The following PABPC4 variants were observed in gnomAD, a reference collection of about 807,000 sequenced individuals.
PABPC4 encodes polyadenylate-binding protein 4.
PABPC4 carries 15 observed loss-of-function variants against 74.5 expected under a neutral mutation model. That is an observed-to-expected ratio of 0.20 (90% CI 0.13 to 0.31). The LOEUF (loss-of-function observed/expected upper bound fraction) is 0.31. Among genes scored for constraint, PABPC4 ranks in the 10% least tolerant of loss-of-function variants. The probability of loss-of-function intolerance (pLI) is 1.00; values close to 1 mark genes in which losing one functional copy is unlikely to be tolerated. For synonymous variants in PABPC4, 345 were observed against 303.0 expected, an observed-to-expected ratio of 1.14 and a Z score of -1.44; for missense variants, 610 against 853.5, an observed-to-expected ratio of 0.71 and a Z score of 3.55.
intron 14 of PABPC4, 51 bp downstream of exon 14, chr1:39,562,022 C>G: frequency 6.3e-7 from 1 of 1,592,504 alleles, no homozygotes; most frequent in South Asian, 1.1e-5. Flanking sequence ...AGTTTGCCCC[C>G]AGTCTTCCCA....
chr1:39,574,222 C>G (rs1645983159), intron 1 of PABPC4, among the ~76,000 whole-genome samples: 1 of 152,172 alleles, frequency 6.6e-6, no homozygotes, highest in African/African-American at 2.4e-5. Context: ...AAGACCGATC[C>G]AAGTCAGGAA....
chr1:39,569,510 A>G (rs9438926), intron 5 of PABPC4, 85 bp downstream of exon 5: 18,345 of 905,004 alleles, frequency 0.02, 1,281 homozygotes, highest in African/African-American at 0.2. Flanking sequence ...AGACCGTCCC[A>G]GCTCTAGGTA....
rs766638635 is a variant in PABPC4, at chr1:39,575,811, G to A, written c.141C>T (p.Ile47=). Residue 47 remains isoleucine (I), a synonymous_variant, in exon 1 of 16, where the codon ATC becomes ATT. Coordinates refer to ENST00000372858, the MANE Select transcript of PABPC4 (RefSeq NM_001135653.2). ...AGGCATAGCCCAGGGAGCGGCGGGTGATCATATCGCGGCAGACCCGGATGG... is the reference window on the plus strand; with the variant it reads ...AGGCATAGCCCAGGGAGCGGCGGGTAATCATATCGCGGCAGACCCGGATGG... ...VLSIRVCRDM[I]TRRSLGYAYV... The A allele has an allele frequency of 1.6e-5, 25 of 1,609,482 alleles. No individual in the cohort carries two copies. Among genetic ancestry groups the A allele is most frequent in the Non-Finnish European group, 2.0e-5 (23 of 1,178,206 alleles).
intron 1 of PABPC4, among the ~76,000 whole-genome samples, chr1:39,575,450 A>G (rs1646010268): frequency 6.6e-6 from 1 of 152,194 alleles, no homozygotes; most frequent in South Asian, 2.1e-4. Flanking sequence ...CCCACTGACA[A>G]GGACCACACG....
chr1:39,576,528 C>CGGCGGGCCG lies in PABPC4; in HGVS notation c.-586_-578dup, dbSNP rs1199882357. On this transcript the variant is annotated 5_prime_UTR_variant, in exon 1 of 16. Transcript: ENST00000372858. ...TCGGGGCCCGAGCGGGGGGAGGGCA[C>CGGCGGGCCG]GGCGGGCCGGGCGGGCGGCTCACCC... The CGGCGGGCCG allele has an allele frequency of 6.0e-5, 9 of 149,028 alleles. No individual in the cohort carries two copies. Among genetic ancestry groups the CGGCGGGCCG allele is most frequent in the Non-Finnish European group, 9.0e-5 (6 of 66,810 alleles). 9.2% of individuals were successfully genotyped at this position (149,028 alleles called of 1,614,324 possible).
rs1646019495 is a variant in PABPC4 at position 39,575,941 on chromosome 1, G to A, written c.11C>T (p.Ala4Val). Residue 4 changes from alanine to valine, a missense_variant, in exon 1 of 16, where the codon GCG becomes GTG. Ala to Val is a moderately conservative substitution (Grantham distance 64, BLOSUM62 0). Coordinates refer to ENST00000372858, the MANE Select transcript of PABPC4 (RefSeq NM_001135653.2). ...GGAGGCCATGGGGTAGCTGCTGGCC[G>A]CAGCGTTCATCTCCCCGCCCCCCAC... MNAAASSYPMASLY... is the reference protein window; with the variant it reads MNAVASSYPMASLY... 3 of 1,585,654 alleles carry A rather than the reference G, an allele frequency of 1.9e-6. No individual in the cohort carries two copies. Among genetic ancestry groups the A allele is most frequent in the South Asian group, 1.1e-5 (1 of 89,072 alleles).
Position 39,576,019 on chromosome 1 carries a change from G to C in PABPC4, c.-68C>G. ...TTATCGGGCCCGCCGCAGGACAAAG[G>C]GGCGCCTTCGGAGCCCGGGCCCGCG... On this transcript the variant is annotated 5_prime_UTR_variant, in exon 1 of 16. Transcript: ENST00000372858. The C allele has an allele frequency of 3.6e-6, 4 of 1,111,926 alleles. No individual in the cohort carries two copies. Among genetic ancestry groups the C allele is most frequent in the Non-Finnish European group, 4.8e-6 (4 of 827,960 alleles). 68.9% of individuals were successfully genotyped at this position (1,111,926 alleles called of 1,614,324 possible). A position where few individuals can be genotyped will look rare whatever the true frequency, so the allele number is the denominator to read the frequency against.
rs759664378 is a variant in PABPC4 at position 39,565,190 on chromosome 1, A to T, written c.1161T>A (p.Ala387=). The change falls in exon 8 of 16, where the codon GCT becomes GCA. Residue 387 remains alanine (A), a synonymous_variant. Transcript: ENST00000372858. The stretch of plus-strand genomic sequence containing the variant: ...CATTGGCAGGAAGTGCTCTCATTCC[A>T]GCCACTCGTTGCATATACTGGTTGG... ...HLTNQYMQRV[A]GMRALPANAI... is the part of the protein sequence containing the mutation. 1.2e-6 allele frequency: 2 copies of T among 1,614,136 alleles called. No homozygotes were observed. The highest frequency in any genetic ancestry group is 2.2e-5 in the South Asian group (2 of 91,078).
Position 39,564,425 on chromosome 1 carries a change from A to T in PABPC4, c.1451T>A (p.Val484Asp). Residue 484 changes from valine (V) to aspartate (D), a missense_variant and splice_region_variant, in exon 10 of 16, where the codon GTC becomes GAC. By Grantham distance (152) the Val-to-Asp change is radical. Around this residue, in one of 4 missense-constraint regions of PABPC4, gnomAD observed 277 missense variants for 301.8 expected, o/e 0.92. Coordinates refer to ENST00000372858, the MANE Select transcript of PABPC4 (RefSeq NM_001135653.2). ...SRGLPTTTQR[V>D]GSECPDRLAM... is the part of the protein sequence containing the mutation. ...CTTCTAAAGGCCAGTTTGCTCACCGACTCTCTGAGTGGTAGTAGGGAGGCC... is the reference window on the plus strand; with the variant it reads ...CTTCTAAAGGCCAGTTTGCTCACCGTCTCTCTGAGTGGTAGTAGGGAGGCC... 6.2e-7 allele frequency: 1 copy of T among 1,613,438 alleles called. No homozygotes were observed. Among genetic ancestry groups the T allele is most frequent in the Non-Finnish European group, 8.5e-7 (1 of 1,179,902 alleles).
intron 1 of PABPC4, among the ~76,000 whole-genome samples, chr1:39,574,837 T>G (rs1645993413): frequency 6.6e-6 from 1 of 152,212 alleles, no homozygotes; most frequent in Non-Finnish European, 1.5e-5. Context: ...CTGATCAGGT[T>G]TCCTCTGGCC....
At chr1:39,574,707 G>C (rs1000548596) in intron 1 of PABPC4, among the ~76,000 whole-genome samples, 2 of 152,232 alleles carry the variant, frequency 1.3e-5, no homozygotes, top group Non-Finnish European at 2.9e-5. Flanking sequence ...GCCTCAGACA[G>C]AAAACAAAGG....
intron 5 of PABPC4, 79 bp from the exon 6 acceptor site, chr1:39,569,018 TTC>T (rs1645895363): frequency 6.7e-7 from 1 of 1,483,470 alleles, no homozygotes; most frequent in African/African-American, 1.4e-5. Context: ...CCAAAAAATA[TTC>T]TTTCTACTAT....
intron 12 of PABPC4, 102 bp downstream of exon 12, chr1:39,563,512 G>T: frequency 1.5e-6 from 2 of 1,361,062 alleles, no homozygotes; most frequent in Non-Finnish European, 1.0e-6. Flanking sequence ...ATAACACAGA[G>T]CAGGCATTTA....
Position 39,563,297 on chromosome 1 carries a change from C to A in PABPC4, c.1668+317G>T, listed in dbSNP as rs551251277. The A allele has an allele frequency of 1.2e-4, 35 of 291,766 alleles. No homozygotes were observed. The South Asian group carries it at 1.8e-3, about 15-fold the overall frequency. The allele number at this position is 291,766 out of a possible 1,614,324, so 18.1% of individuals were successfully genotyped here. ...ATCATCTTGCAGAGCAGCCAAGGAT[C>A]CAATAGGTCATTGGATGCGGAAGTG... is the stretch of plus-strand genomic sequence containing the variant. On this transcript the variant is annotated intron_variant, in intron 12 of 15. Coordinates refer to ENST00000372858, the MANE Select transcript of PABPC4 (RefSeq NM_001135653.2).
intron 1 of PABPC4, among the ~76,000 whole-genome samples, chr1:39,574,007 A>AG (rs1218962214): frequency 6.6e-6 from 1 of 152,224 alleles, no homozygotes; most frequent in East Asian, 1.9e-4. Flanking sequence ...AGACAGGGTC[A>AG]GAGCAGTGGA....
rs568255822 is a variant in PABPC4 at position 39,563,611 on chromosome 1, C to G, written c.1668+3G>C. ...TTTAAGCATTCTGTCTGGTGAACCT[C>G]ACCTGCAGAGGCTGTATGGCAGGAT... On this transcript the variant is annotated splice_donor_region_variant and intron_variant, in intron 12 of 15. Coordinates refer to ENST00000372858, the MANE Select transcript of PABPC4 (RefSeq NM_001135653.2). The G allele has an allele frequency of 1.2e-6, 2 of 1,612,420 alleles. No individual in the cohort carries two copies. Among genetic ancestry groups the G allele is most frequent in the Middle Eastern group, 3.4e-4 (2 of 5,902 alleles).
rs138256901 is a variant in PABPC4 at position 39,563,979 on chromosome 1, G to A, written c.1454-57C>T. On this transcript the variant is annotated intron_variant, in intron 10 of 15. Coordinates refer to ENST00000372858, the MANE Select transcript of PABPC4 (RefSeq NM_001135653.2). ...TGGCGGCAGATGTCCAACTGGCCAC[G>A]TCCCACGGAAGGAGAAATTTCAAAG... The A allele has an allele frequency of 3.8e-5, 57 of 1,514,178 alleles. 1 individual carries two copies. In the East Asian group the frequency reaches 9.0e-4, roughly 24 times the overall value. 93.8% of individuals were successfully genotyped at this position (1,514,178 alleles called of 1,614,324 possible).
Position 39,562,348 on chromosome 1 carries a change from G to C in PABPC4, c.1737C>G (p.Pro579=), listed in dbSNP as rs780498130. 1.2e-6 allele frequency: 2 copies of C among 1,614,110 alleles called. No individual in the cohort carries two copies. The highest frequency in any genetic ancestry group is 1.7e-6 in the Non-Finnish European group (2 of 1,180,014). ...PLTASMLAAA[P]PQEQKQMLGE... Reference sequence around the variant, plus strand: ...CCAGCATCTGCTTCTGTTCCTGGGGGGGTGCTGCAGCCAGCATGGAGGCAG... The same window carrying C: ...CCAGCATCTGCTTCTGTTCCTGGGGCGGTGCTGCAGCCAGCATGGAGGCAG... Residue 579 remains proline (P), a synonymous_variant, in exon 13 of 16, where the codon CCC becomes CCG. Coordinates refer to ENST00000372858, the MANE Select transcript of PABPC4 (RefSeq NM_001135653.2).
At chr1:39,571,599 A>T in intron 2 of PABPC4, 1 of 562,948 alleles carries the variant, frequency 1.8e-6, no homozygotes, top group Non-Finnish European at 3.2e-6. Context: ...CAAACAAAAA[A>T]TACTTAAAAT....
Sources: gnomAD v4.1 joint callset for allele counts (sites outside exome capture counted in the v4.1 genomes callset) on GRCh38, gnomAD v4.1.1 for gene constraint, gnomAD v4.1.1 regional missense constraint, MANE v1.5 for transcripts, NCBI Gene and HGNC (gene_info 2026-07-23, HGNC 2026-07-21) for gene names.